The following ALG3 variants were observed in gnomAD, a reference collection of about 807,000 sequenced individuals.
ALG3 encodes the protein ALG3 alpha-1,3- mannosyltransferase, also known as dol-P-Man:Man(5)GlcNAc(2)-PP-Dol alpha-1,3-mannosyltransferase.
In ALG3, 39 loss-of-function variants were observed where a neutral mutation model predicts 50.5. The ratio of observed to expected loss-of-function variants is 0.77; its 90% CI spans 0.60 to 1.01. The LOEUF is 1.01. ALG3 is among the 50% of genes least tolerant of loss of function. The pLI, the probability that ALG3 is intolerant of heterozygous loss-of-function variation, is 0.00. For synonymous variants in ALG3, 252 were observed against 237.2 expected (o/e 1.06, Z -0.58); for missense variants, 520 against 554.8 (o/e 0.94, Z 0.63).
Position 184,245,769 on chromosome 3 carries a change from G to A in ALG3, c.240C>T (p.Gly80=), listed in dbSNP as rs756013928. The change falls in exon 2 of 9, where the codon GGC becomes GGT. Residue 80 remains glycine (G), a synonymous_variant. Transcript: ENST00000397676. ...TATAGTCATAGGTACCATTGATGACGCCTTCTACCTCGGCCATGTAGGCCT... is the reference window on the plus strand; with the variant it reads ...TATAGTCATAGGTACCATTGATGACACCTTCTACCTCGGCCATGTAGGCCT... ...DWKAYMAEVE[G]VINGTYDYTQ... 20 of 1,613,726 alleles carry A rather than the reference G, an allele frequency of 1.2e-5. No individual in the cohort carries two copies. The highest frequency in any genetic ancestry group is 4.4e-5 in the South Asian group (4 of 91,042).
intron 1 of ALG3, among the ~76,000 whole-genome samples, chr3:184,248,236 T>C (rs1305013776): frequency 6.6e-6 from 1 of 152,146 alleles, no homozygotes; most frequent in Non-Finnish European, 1.5e-5. Flanking sequence ...AAATAAATAT[T>C]TGTTGAATTA....
At chr3:184,243,266 G>C in intron 7 of ALG3, 1 of 569,458 alleles carries the variant, frequency 1.8e-6, no homozygotes, top group Non-Finnish European at 3.1e-6. Context: ...GTAAATGTAA[G>C]TGTACCTCCC....
At chr3:184,244,117 T>C (rs1476805783) in intron 5 of ALG3, 121 bp from the exon 6 acceptor site, 2 of 1,015,614 alleles carry the variant, frequency 2.0e-6, no homozygotes, top group African/African-American at 3.2e-5. Flanking sequence ...CAATTCCCAC[T>C]AGAAATAGCA....
chr3:184,244,693 G>A lies in ALG3; in HGVS notation c.634C>T (p.Leu212=). The A allele has an allele frequency of 6.2e-7, 1 of 1,610,378 alleles. No individual in the cohort carries two copies. Among genetic ancestry groups the A allele is most frequent in the Non-Finnish European group, 8.5e-7 (1 of 1,178,542 alleles). The stretch of plus-strand genomic sequence containing the variant: ...AACAGTAACCCAGGGGCGAAGAGCA[G>A]CACATTCATCTTCACAGAGACTGCC... ...SLAVSVKMNV[L]LFAPGLLFLL... Residue 212 remains leucine, a synonymous_variant, in exon 5 of 9, where the codon CTG becomes TTG. Coordinates refer to ENST00000397676, the MANE Select transcript of ALG3 (RefSeq NM_005787.6).
chr3:184,247,367 G>A (rs910259549), intron 1 of ALG3, among the ~76,000 whole-genome samples: 11 of 147,810 alleles, frequency 7.4e-5, no homozygotes, highest in African/African-American at 2.3e-4. Context: ...GCGCAATCTC[G>A]GCTCACTGCA....
chr3:184,244,351 C>G (rs959521953), intron 5 of ALG3: 10 of 549,108 alleles, frequency 1.8e-5, no homozygotes, highest in African/African-American at 1.7e-4. Flanking sequence ...TGAGACCAGC[C>G]TGGGCAACCC....
intron 1 of ALG3, among the ~76,000 whole-genome samples, chr3:184,247,827 C>G (rs1050413011): frequency 6.6e-6 from 1 of 151,784 alleles, no homozygotes; most frequent in Admixed American, 6.6e-5. Flanking sequence ...TGTCCAGGCC[C>G]GAGTTAGAAA....
At chr3:184,243,061 T>C in intron 7 of ALG3, 104 bp from the exon 8 acceptor site, 4 of 1,479,138 alleles carry the variant, frequency 2.7e-6, no homozygotes, top group Non-Finnish European at 3.7e-6. Flanking sequence ...GCTCTGCCAT[T>C]CCTTGATGCA....
chr3:184,249,035 C>T (rs1319085278), upstream of ALG3: 6 of 1,531,474 alleles, frequency 3.9e-6, no homozygotes, highest in South Asian at 2.4e-5. Context: ...TCCCACCAGG[C>T]TAAGCGCCGA....
chr3:184,248,830 C>T lies in ALG3; in HGVS notation c.111G>A (p.Arg37=). The T allele has an allele frequency of 1.2e-6, 2 of 1,608,876 alleles. No individual in the cohort carries two copies. Among genetic ancestry groups the T allele is most frequent in the Non-Finnish European group, 1.7e-6 (2 of 1,177,744 alleles). The change falls in exon 1 of 9, where the codon CGG becomes CGA. Residue 37 remains arginine (R), a synonymous_variant. Coordinates refer to ENST00000397676, the MANE Select transcript of ALG3 (RefSeq NM_005787.6). The part of the protein sequence containing the change: ...RAWQERRLLL[R]EPRYTLLVAA... ...CCACCAGCAGCGTGTAGCGCGGCTC[C>T]CGCAGCAGCAGGCGCCGCTCTTGCC...
In ALG3 at chr3:184,242,883, C is replaced by G. The variant is rs186946267; in HGVS notation, c.1084G>C (p.Val362Leu). Residue 362 changes from valine to leucine, a missense_variant, in exon 8 of 9, where the codon GTC becomes CTC. This residue lies in a region of ALG3 where 224 missense variants were observed against 272.8 expected (regional missense o/e 0.82). Coordinates refer to ENST00000397676, the MANE Select transcript of ALG3 (RefSeq NM_005787.6). ...TAGGGCAGTGTGTGGAAATACCAGA[C>G]GTAGAACTGGTAGTGGAGGGAGCGG... ...FSRSLHYQFY[V>L]WYFHTLPYLL... The G allele has an allele frequency of 1.9e-6, 3 of 1,613,810 alleles. No homozygotes were observed. Among genetic ancestry groups the G allele is most frequent in the Non-Finnish European group, 2.5e-6 (3 of 1,179,846 alleles).
upstream of ALG3, chr3:184,248,966 C>G (rs747569137): frequency 8.4e-5 from 130 of 1,553,326 alleles, no homozygotes; most frequent in Middle Eastern, 1.5e-3. Flanking sequence ...CTTGTGTGGG[C>G]CCACCACCCC....
At position 184,242,654 on chromosome 3, in the gene ALG3, C is replaced by G. The variant is rs373981212; in HGVS notation, c.1177G>C (p.Glu393Gln). 3 of 1,560,230 alleles carry G rather than the reference C, an allele frequency of 1.9e-6. No homozygotes were observed. The highest frequency in any genetic ancestry group is 2.6e-6 in the Non-Finnish European group (3 of 1,150,022). Residue 393 changes from glutamate (E) to glutamine (Q), a missense_variant, in exon 9 of 9, where the codon GAG becomes CAG. Glu to Gln is a conservative substitution (Grantham distance 29, BLOSUM62 2). This residue lies in a region of ALG3 where 224 missense variants were observed against 272.8 expected (regional missense o/e 0.82). Transcript: ENST00000397676. Reference protein sequence around the residue: ...LLRLLVLGLIELSWNTYPSTS... With the variant: ...LLRLLVLGLIQLSWNTYPSTS... ...GAAGGGTATGTGTTCCAGGAGAGCT[C>G]GATGAGCCCCAGCACCAACAACCTG...
chr3:184,243,991 CA>C lies in ALG3; in HGVS notation c.731del (p.Val244GlyfsTer31). The stretch of plus-strand genomic sequence containing the variant: ...TCTCCAGCAGGAAGGGCAGCCCCAG[CA>C]CCACCTGAGGATTGGTGTGATGTCA... ...KLGICAGLQV[V>X]LGLPFLLENP... is the part of the protein sequence containing the mutation. On this transcript the variant is annotated frameshift_variant, in exon 6 of 9. Coordinates refer to ENST00000397676, the MANE Select transcript of ALG3 (RefSeq NM_005787.6). LOFTEE classifies it high-confidence loss of function. 6 of 1,612,716 alleles carry C rather than the reference CA, an allele frequency of 3.7e-6. No homozygotes were observed. Among genetic ancestry groups the C allele is most frequent in the African/African-American group, 1.3e-5 (1 of 75,048 alleles).
At position 184,242,361 on chromosome 3, in the gene ALG3, C is replaced by CGT. The variant is rs1481029379; in HGVS notation, c.*151_*152dup. On this transcript the variant is annotated 3_prime_UTR_variant, in exon 9 of 9. Transcript: ENST00000397676. The stretch of plus-strand genomic sequence containing the variant: ...GAGTGAATTCTTTATCTGCTCCATA[C>CGT]GTGTCCCTCACAGCCTGGACCAGGC... 10 of 954,238 alleles carry CGT rather than the reference C, an allele frequency of 1.0e-5. No individual in the cohort carries two copies. Among genetic ancestry groups the CGT allele is most frequent in the Non-Finnish European group, 1.6e-5 (10 of 608,438 alleles). The allele number at this position is 954,238 out of a possible 1,614,324, so 59.1% of individuals were successfully genotyped here. A position where few individuals can be genotyped will look rare whatever the true frequency, so the allele number is the denominator to read the frequency against.
intron 1 of ALG3, 116 bp downstream of exon 1, chr3:184,248,629 G>T: frequency 1.0e-6 from 1 of 960,208 alleles, no homozygotes; most frequent in Non-Finnish European, 1.5e-6. Flanking sequence ...GGATGGGTTC[G>T]CAATTGACGA....
rs1197597658 is a variant in ALG3 at position 184,242,920 on chromosome 3, G to A, written c.1047C>T (p.Gly349=). 2.5e-6 allele frequency: 4 copies of A among 1,613,666 alleles called. No individual in the cohort carries two copies. The highest frequency in any genetic ancestry group is 3.4e-6 in the Non-Finnish European group (4 of 1,179,880). ...VSTLFTSNFI[G]ICFSRSLHYQ... is the part of the protein sequence containing the mutation. ...AGTGGAGGGAGCGGCTGAAGCAGATGCCAATGAAGTTGGAGGTGAAGAGGG... is the reference window on the plus strand; with the variant it reads ...AGTGGAGGGAGCGGCTGAAGCAGATACCAATGAAGTTGGAGGTGAAGAGGG... The change falls in exon 8 of 9, where the codon GGC becomes GGT. Residue 349 remains glycine, a synonymous_variant. Transcript: ENST00000397676.
rs184767924 is a variant in ALG3 at position 184,246,932 on chromosome 3, T to C, written c.197-1120A>G. On this transcript the variant is annotated intron_variant, in intron 1 of 8. Coordinates refer to ENST00000397676, the MANE Select transcript of ALG3 (RefSeq NM_005787.6). ...TGTTTGTTTTTCTTTTGAGACAGGG[T>C]CTCGCTCAGCCACCCAGGCTGGAGT... 9.3e-3 allele frequency among the ~76,000 whole-genome samples: 1,415 copies of C among 152,054 alleles called. 14 individuals are homozygous for C. Among genetic ancestry groups the C allele is most frequent in the South Asian group, 0.018 (88 of 4,816 alleles).
At chr3:184,248,113 C>CA (rs1236622624) in intron 1 of ALG3, among the ~76,000 whole-genome samples, 5 of 152,022 alleles carry the variant, frequency 3.3e-5, no homozygotes, top group African/African-American at 1.2e-4. Context: ...CTCGGCCTCC[C>CA]AAAGTGCTGG....
Sources: gnomAD v4.1 joint callset for allele counts (sites outside exome capture counted in the v4.1 genomes callset) on GRCh38, gnomAD v4.1.1 for gene constraint, gnomAD v4.1.1 regional missense constraint, MANE v1.5 for transcripts, NCBI Gene and HGNC (gene_info 2026-07-23, HGNC 2026-07-21) for gene names.